Variants in KMO observed in about 807,000 individuals in gnomAD.
KMO encodes kynurenine 3-hydroxylase.
In KMO, 24 loss-of-function variants were observed where a neutral mutation model predicts 57.8. The observed-to-expected ratio is 0.42, with a 90% CI of 0.30 to 0.58. The LOEUF (loss-of-function observed/expected upper bound fraction) is 0.58, where lower values mean the gene tolerates loss of function less well. KMO is among the 20% of genes least tolerant of loss of function. The pLI is 0.22. For missense variants in KMO, 483 were observed against 588.2 expected (o/e 0.82, Z 1.85); for synonymous variants, 210 against 193.6 (o/e 1.08, Z -0.70).
At chr1:241,535,923 G>A (rs1348879264) in intron 1 of KMO, among the ~76,000 whole-genome samples, 1 of 152,102 alleles carries the variant, frequency 6.6e-6, no homozygotes, top group Non-Finnish European at 1.5e-5. Flanking sequence ...GTTATGCATA[G>A]TTTATTCCCC....
At position 241,593,766 on chromosome 1, in the gene KMO, G is replaced by GA. The variant is rs933473999; in HGVS notation, c.*1618dup. The GA allele has an allele frequency of 6.4e-6, 1 of 155,122 alleles. No individual in the cohort carries two copies. The highest frequency in any genetic ancestry group is 2.4e-5 in the African/African-American group (1 of 41,452). 9.6% of individuals were successfully genotyped at this position (155,122 alleles called of 1,614,324 possible). A position where few individuals can be genotyped will look rare whatever the true frequency, so the allele number is the denominator to read the frequency against. On this transcript the variant is annotated 3_prime_UTR_variant, in exon 15 of 15. Coordinates refer to ENST00000366559, the MANE Select transcript of KMO (RefSeq NM_003679.5). ...ATTTTTAGAGAAACAACAAAACAAA[G>GA]AAAAAGAGCTTTGAGTCTGTAGGGG...
At chr1:241,539,056 A>G (rs1660856012) in intron 1 of KMO, among the ~76,000 whole-genome samples, 1 of 152,140 alleles carries the variant, frequency 6.6e-6, no homozygotes, top group Non-Finnish European at 1.5e-5. Context: ...CTGGAAAACA[A>G]CTTGAAAATA....
intron 6 of KMO, 68 bp from the exon 7 acceptor site, chr1:241,562,099 C>T (rs972660562): frequency 2.2e-6 from 3 of 1,376,174 alleles, no homozygotes; most frequent in East Asian, 2.4e-5. Context: ...CTTCTCATAC[C>T]CAGAGGTACA....
chr1:241,539,878 AT>A (rs1660898207), intron 1 of KMO, among the ~76,000 whole-genome samples: 2 of 152,102 alleles, frequency 1.3e-5, no homozygotes. Flanking sequence ...CATTAGTGAG[AT>A]TTTATCAAAA....
rs1663387301 is a variant in KMO, at chr1:241,593,335, GTT to G, written c.*1185_*1186del. On this transcript the variant is annotated 3_prime_UTR_variant, in exon 15 of 15. Coordinates refer to ENST00000366559, the MANE Select transcript of KMO (RefSeq NM_003679.5). ...TTTTTAAAAGCACATTTAGTGAAAT[GTT>G]TTCTTTGGTTCATCCTTCTTTAACA... The G allele has an allele frequency of 2.3e-6, 1 of 426,100 alleles. No homozygotes were observed. The highest frequency in any genetic ancestry group is 2.0e-5 in the African/African-American group (1 of 49,674). The allele number at this position is 426,100 out of a possible 1,614,324, so 26.4% of individuals were successfully genotyped here. A position where few individuals can be genotyped will look rare whatever the true frequency, so the allele number is the denominator to read the frequency against.
intron 10 of KMO, among the ~76,000 whole-genome samples, chr1:241,572,055 T>C (rs1176998709): frequency 6.6e-6 from 1 of 151,802 alleles, no homozygotes; most frequent in Non-Finnish European, 1.5e-5. Context: ...TTAGTAGAGA[T>C]GTGGTTTCAC....
chr1:241,544,154 G>C (rs1661052068), intron 1 of KMO, among the ~76,000 whole-genome samples: 1 of 152,106 alleles, frequency 6.6e-6, no homozygotes, highest in Non-Finnish European at 1.5e-5. Flanking sequence ...CTCCTTTTAG[G>C]CCATTTCCCT....
chr1:241,547,633 A>G (rs1396935348), intron 1 of KMO, among the ~76,000 whole-genome samples: 2 of 152,036 alleles, frequency 1.3e-5, no homozygotes, highest in African/African-American at 4.8e-5. Context: ...AGCATATGCA[A>G]AGTAAAACTA....
chr1:241,535,652 T>C (rs945117421), intron 1 of KMO, among the ~76,000 whole-genome samples: 4 of 152,132 alleles, frequency 2.6e-5, no homozygotes, highest in African/African-American at 9.7e-5. Context: ...AGTTTAAATA[T>C]TGAAAAACAA....
At chr1:241,570,032 G>A (rs899995445) in intron 10 of KMO, among the ~76,000 whole-genome samples, 5 of 151,760 alleles carry the variant, frequency 3.3e-5, no homozygotes, top group South Asian at 2.1e-4. Flanking sequence ...GAGAAATGCC[G>A]ACTCAGATAT....
At chr1:241,541,681 A>G (rs1278676441) in intron 1 of KMO, among the ~76,000 whole-genome samples, 1 of 152,202 alleles carries the variant, frequency 6.6e-6, no homozygotes, top group East Asian at 1.9e-4. Context: ...TAATAAAACA[A>G]TATTTGGCAT....
chr1:241,574,273 C>T (rs1430963381), intron 10 of KMO, among the ~76,000 whole-genome samples: 5 of 152,038 alleles, frequency 3.3e-5, no homozygotes, highest in Admixed American at 6.5e-5. Context: ...CTTCTCCTGC[C>T]TGATTACTTT....
Position 241,549,755 on chromosome 1 carries a change from C to T in KMO, c.203C>T (p.Ala68Val). The change falls in exon 3 of 15, where the codon GCT (alanine) becomes GTT (valine). Residue 68 changes from alanine to valine, a missense_variant. Physicochemically the swap from Ala to Val is moderately conservative, Grantham distance 64. This residue lies in a region of KMO where 70 missense variants were observed against 78.4 expected (regional missense o/e 0.89). Transcript: ENST00000366559. ...CATAGAGGACGACAAGCCTTGAAAG[C>T]TGTTGGCCTGGAAGATCAGGTACTT... ...LSHRGRQALKAVGLEDQIVSQ... is the reference protein window; with the variant it reads ...LSHRGRQALKVVGLEDQIVSQ... The T allele has an allele frequency of 6.2e-7, 1 of 1,610,076 alleles. No individual in the cohort carries two copies. Among genetic ancestry groups the T allele is most frequent in the South Asian group, 1.1e-5 (1 of 90,936 alleles).
intron 10 of KMO, among the ~76,000 whole-genome samples, chr1:241,582,783 G>A (rs1387534451): frequency 2.0e-5 from 3 of 152,108 alleles, no homozygotes; most frequent in African/African-American, 4.8e-5. Context: ...TATTTAGTTC[G>A]TTTGGTAAGG....
chr1:241,588,329 C>CTTTTTTTTTTTTTTTTTT (rs57587351), intron 11 of KMO, among the ~76,000 whole-genome samples: 2 of 98,390 alleles, frequency 2.0e-5, no homozygotes, highest in African/African-American at 3.9e-5. Context: ...TCTTTTTTTT[C>CTTTTTTTTTTTTTTTTTT]TTTTTTTTTT....
chr1:241,553,014 G>C (rs537140220), intron 4 of KMO, among the ~76,000 whole-genome samples: 1 of 152,232 alleles, frequency 6.6e-6, no homozygotes, highest in South Asian at 2.1e-4. Context: ...TCATTTGAAG[G>C]TATTGAGAAT....
chr1:241,550,276 C>T (rs6660201), intron 3 of KMO, among the ~76,000 whole-genome samples: 15,925 of 152,000 alleles, frequency 0.1, 1,140 homozygotes, highest in African/African-American at 0.21. Flanking sequence ...GATTATGGGG[C>T]GGGTTTATGT....
intron 10 of KMO, among the ~76,000 whole-genome samples, chr1:241,579,895 G>A (rs544121592): frequency 6.6e-6 from 1 of 152,274 alleles, no homozygotes; most frequent in African/African-American, 2.4e-5. Context: ...GAGGTTCCCA[G>A]TAATGTAGAA....
In KMO at chr1:241,568,611, T is replaced by C. The variant is rs1371079598; in HGVS notation, c.921T>C (p.His307=). Residue 307 remains histidine, a synonymous_variant, in exon 10 of 15, where the codon CAT becomes CAC. Transcript: ENST00000366559. The stretch of plus-strand genomic sequence containing the variant: ...GTGTACTGCTGGGAGATGCAGCTCA[T>C]GCTATAGTGCCGTTTTTTGGGCAAG... ...SHCVLLGDAA[H]AIVPFFGQGM... is the part of the protein sequence containing the mutation. The C allele has an allele frequency of 1.9e-6, 3 of 1,613,934 alleles. No homozygotes were observed. The highest frequency in any genetic ancestry group is 1.7e-6 in the Non-Finnish European group (2 of 1,179,866).
Sources: allele counts gnomAD v4.1 joint callset (sites outside exome capture counted in the v4.1 genomes callset), GRCh38; gene constraint gnomAD v4.1.1; regional missense constraint gnomAD v4.1.1; transcripts MANE v1.5; gene names NCBI Gene and HGNC (gene_info 2026-07-23, HGNC 2026-07-21).